MTARC2: variants seen among roughly 807,000 people sequenced by gnomAD.
MTARC2 encodes the protein MOCO sulphurase C-terminal domain containing 2.
A neutral mutation model predicts 35.6 loss-of-function variants in MTARC2; 27 were observed. The observed-to-expected ratio is 0.76, with a 90% confidence interval of 0.56 to 1.04. The LOEUF (loss-of-function observed/expected upper bound fraction) is 1.04. Ranked by LOEUF, MTARC2 falls within the 50% of genes least tolerant of loss-of-function variation. MTARC2 has a pLI of 0.00. For missense variants in MTARC2, 412 were observed against 432.5 expected (o/e 0.95, Z 0.42); for synonymous variants, 158 against 167.1 (o/e 0.95, Z 0.42).
intron 2 of MTARC2, among the ~76,000 whole-genome samples, chr1:220,758,045 C>T (rs1029078694): frequency 2.0e-5 from 3 of 152,054 alleles, no homozygotes; most frequent in Non-Finnish European, 4.4e-5. Flanking sequence ...AGTGCAGTGG[C>T]GCGATCTCAA....
At chr1:220,751,474 C>G (rs866510581) in intron 1 of MTARC2, among the ~76,000 whole-genome samples, 2 of 152,272 alleles carry the variant, frequency 1.3e-5, no homozygotes, top group South Asian at 4.1e-4. Flanking sequence ...TTCTTCTGCA[C>G]AAATGATGAA....
chr1:220,777,491 C>T (rs1662802532), intron 4 of MTARC2, among the ~76,000 whole-genome samples: 1 of 152,208 alleles, frequency 6.6e-6, no homozygotes, highest in African/African-American at 2.4e-5. Context: ...CCTCTTATGC[C>T]TCCTGCCCAA....
At chr1:220,760,898 T>A (rs1490514834) in intron 2 of MTARC2, among the ~76,000 whole-genome samples, 1 of 152,208 alleles carries the variant, frequency 6.6e-6, no homozygotes, top group Non-Finnish European at 1.5e-5. Flanking sequence ...CAAACCAACA[T>A]GGCATTTAGA....
chr1:220,764,061 C>T (rs550245329), intron 4 of MTARC2, among the ~76,000 whole-genome samples: 1 of 152,158 alleles, frequency 6.6e-6, no homozygotes, highest in South Asian at 2.1e-4. Flanking sequence ...GAATGAATGA[C>T]CGTACTTCCT....
At chr1:220,769,254 A>G (rs1671666876) in intron 4 of MTARC2, among the ~76,000 whole-genome samples, 1 of 152,230 alleles carries the variant, frequency 6.6e-6, no homozygotes, top group South Asian at 2.1e-4. Flanking sequence ...TGCTTCTGCG[A>G]GGTTCCTTCC....
At chr1:220,769,323 G>A (rs913252060) in intron 4 of MTARC2, among the ~76,000 whole-genome samples, 4 of 152,224 alleles carry the variant, frequency 2.6e-5, no homozygotes, top group African/African-American at 9.6e-5. Flanking sequence ...GACACCCCTG[G>A]AAAGCCCGCA....
chr1:220,777,897 C>T (rs1013105412), intron 4 of MTARC2, among the ~76,000 whole-genome samples: 1 of 152,142 alleles, frequency 6.6e-6, no homozygotes, highest in Non-Finnish European at 1.5e-5. Context: ...ATGTATTGGT[C>T]TGTTCTCACA....
At chr1:220,750,376 CACAG>C (rs578215528) in intron 1 of MTARC2, among the ~76,000 whole-genome samples, 3 of 152,150 alleles carry the variant, frequency 2.0e-5, no homozygotes, top group Admixed American at 6.5e-5. Flanking sequence ...GGGTTGGTTT[CACAG>C]ACAGTTTCCA....
chr1:220,772,283 A>G (rs1671765487), intron 4 of MTARC2, among the ~76,000 whole-genome samples: 1 of 152,232 alleles, frequency 6.6e-6, no homozygotes, highest in Admixed American at 6.5e-5. Flanking sequence ...GGCTCTCTGT[A>G]TATATTGCCA....
chr1:220,783,890 A>C lies in MTARC2; in HGVS notation c.*32-29A>C, dbSNP rs780320336. 33 of 717,286 alleles carry C rather than the reference A, an allele frequency of 4.6e-5. 1 individual carries two copies. The South Asian group carries it at 4.9e-4, about 11-fold the overall frequency. 44.4% of individuals were successfully genotyped at this position (717,286 alleles called of 1,614,324 possible). ...TATGAACAGTAGGATAAACAACCAAATAACCAGAGATTCTTATTATTTATT... is the reference window on the plus strand; with the variant it reads ...TATGAACAGTAGGATAAACAACCAACTAACCAGAGATTCTTATTATTTATT... On this transcript the variant is annotated intron_variant, in intron 7 of 7. Coordinates refer to ENST00000366913, the MANE Select transcript of MTARC2 (RefSeq NM_017898.5).
In MTARC2 at chr1:220,748,575, C is replaced by G; in HGVS notation, c.44C>G (p.Pro15Arg). 6.9e-7 allele frequency: 1 copy of G among 1,447,864 alleles called. No individual in the cohort carries two copies. The highest frequency in any genetic ancestry group is 9.0e-7 in the Non-Finnish European group (1 of 1,108,568). 89.7% of individuals were successfully genotyped at this position (1,447,864 alleles called of 1,614,324 possible). A position where few individuals can be genotyped will look rare whatever the true frequency, so the allele number is the denominator to read the frequency against. The change falls in exon 1 of 8, where the codon CCA becomes CGA. Residue 15 changes from proline (P) to arginine (R), a missense_variant. Pro to Arg is a moderately radical substitution (Grantham distance 103). Transcript: ENST00000366913. ...TCCGCGCTGGCCCGCCTCGGCCTCC[C>G]AGCCCGGCCCTGGCCCAGGTGGCTC... ...SSSALARLGL[P>R]ARPWPRWLGV...
At chr1:220,765,085 A>T (rs1671545462) in intron 4 of MTARC2, among the ~76,000 whole-genome samples, 1 of 152,126 alleles carries the variant, frequency 6.6e-6, no homozygotes, top group South Asian at 2.1e-4. Flanking sequence ...GAACTACCTA[A>T]ATCTGCCTGG....
In MTARC2 at chr1:220,762,915, C is replaced by T. The variant is rs760255555; in HGVS notation, c.615C>T (p.Ala205=). Reference sequence around the variant, plus strand: ...TATCCTGTGTTCTTGGCAAGGTGGCCTACCCAGACTACTGCCCGCTCCTGA... The same window carrying T: ...TATCCTGTGTTCTTGGCAAGGTGGCTTACCCAGACTACTGCCCGCTCCTGA... ...LPTLDQNFQV[A]YPDYCPLLIM... is the part of the protein sequence containing the mutation. Residue 205 remains alanine (A), a synonymous_variant, in exon 4 of 8, where the codon GCC becomes GCT. Coordinates refer to ENST00000366913, the MANE Select transcript of MTARC2 (RefSeq NM_017898.5). The T allele has an allele frequency of 8.1e-6, 13 of 1,614,122 alleles. 1 individual carries two copies. The South Asian group carries it at 1.3e-4, about 16-fold the overall frequency.
At chr1:220,763,516 A>G (rs563591834) in intron 4 of MTARC2, among the ~76,000 whole-genome samples, 15 of 152,268 alleles carry the variant, frequency 9.9e-5, no homozygotes, top group Non-Finnish European at 2.2e-4. Context: ...GTTCTCTCCC[A>G]GGGCACCCAC....
At chr1:220,772,962 C>T (rs1227013783) in intron 4 of MTARC2, among the ~76,000 whole-genome samples, 1 of 152,118 alleles carries the variant, frequency 6.6e-6, no homozygotes, top group Non-Finnish European at 1.5e-5. Flanking sequence ...AGCTCCTAAG[C>T]CCTTGGAATT....
chr1:220,749,581 C>T (rs1370589491), intron 1 of MTARC2, among the ~76,000 whole-genome samples: 1 of 152,108 alleles, frequency 6.6e-6, no homozygotes, highest in African/African-American at 2.4e-5. Flanking sequence ...CAGGTGTGCG[C>T]CACCACGCCC....
At chr1:220,759,579 G>A (rs943278079) in intron 2 of MTARC2, among the ~76,000 whole-genome samples, 2 of 152,100 alleles carry the variant, frequency 1.3e-5, no homozygotes, top group African/African-American at 4.8e-5. Flanking sequence ...AAGCTTTCCC[G>A]GGTGGGTGGA....
At chr1:220,769,675 G>A (rs1036776401) in intron 4 of MTARC2, among the ~76,000 whole-genome samples, 2 of 151,898 alleles carry the variant, frequency 1.3e-5, no homozygotes, top group African/African-American at 4.8e-5. Flanking sequence ...AAGTTAACAG[G>A]TTCTACCAAG....
At chr1:220,757,777 CAACAAAGG>C (rs940779723) in intron 2 of MTARC2, among the ~76,000 whole-genome samples, 2 of 152,088 alleles carry the variant, frequency 1.3e-5, no homozygotes, top group African/African-American at 4.8e-5. Context: ...GTGAGGGTGT[CAACAAAGG>C]AATTCTGGGG....
Sources: gnomAD v4.1 joint callset for allele counts (sites outside exome capture counted in the v4.1 genomes callset) on GRCh38, gnomAD v4.1.1 for gene constraint, MANE v1.5 for transcripts, NCBI Gene and HGNC (gene_info 2026-07-23, HGNC 2026-07-21) for gene names.